The following SHANK2 variants were observed in gnomAD, a reference collection of about 807,000 sequenced individuals.
SHANK2 encodes SH3 and multiple ankyrin repeat domains protein 2.
A neutral mutation model predicts 133.7 loss-of-function variants in SHANK2; 43 were observed. That is an observed-to-expected ratio of 0.32 (90% CI 0.25 to 0.41). The LOEUF is 0.41. Among genes scored for constraint, SHANK2 ranks in the 10% least tolerant of loss-of-function variants. The pLI is 1.00. For synonymous variants in SHANK2, 1,017 were observed against 952.8 expected (o/e 1.07, Z -1.24); for missense variants, 1,994 against 2,235.8 (o/e 0.89, Z 2.18).
chr11:70,558,197 C>A (rs2059858372), intron 17 of SHANK2, among the ~76,000 whole-genome samples: 2 of 152,286 alleles, frequency 1.3e-5, no homozygotes. Context: ...AGCCCCCTGG[C>A]CCCCCGACTG....
intron 14 of SHANK2, among the ~76,000 whole-genome samples, chr11:70,729,519 TTTC>T (rs1357291027): frequency 1.3e-5 from 2 of 151,440 alleles, no homozygotes; most frequent in African/African-American, 4.8e-5. Context: ...CACTGTGTAC[TTTC>T]TTCATTTTTT....
chr11:70,933,016 T>C (rs1555082774), intron 10 of SHANK2, among the ~76,000 whole-genome samples: 2 of 152,170 alleles, frequency 1.3e-5, no homozygotes. Context: ...CTTCTGGGTC[T>C]ATACCCAAAA....
At chr11:70,696,160 T>G (rs573554452) in intron 15 of SHANK2, among the ~76,000 whole-genome samples, 1 of 152,282 alleles carries the variant, frequency 6.6e-6, no homozygotes, top group East Asian at 1.9e-4. Flanking sequence ...GCTTGGCTCC[T>G]TCTAGTATGG....
At chr11:71,194,069 C>T (rs1953849200) in intron 2 of SHANK2, among the ~76,000 whole-genome samples, 1 of 152,160 alleles carries the variant, frequency 6.6e-6, no homozygotes, top group Non-Finnish European at 1.5e-5. Context: ...AGATCGTTCC[C>T]ATTTTCCATG....
chr11:70,857,892 G>A (rs1949196332), intron 11 of SHANK2, among the ~76,000 whole-genome samples: 1 of 152,186 alleles, frequency 6.6e-6, no homozygotes, highest in Non-Finnish European at 1.5e-5. Flanking sequence ...TCAAGATGCT[G>A]AGACCCAGGA....
At chr11:70,727,292 T>C (rs1473628106) in intron 14 of SHANK2, among the ~76,000 whole-genome samples, 1 of 152,236 alleles carries the variant, frequency 6.6e-6, no homozygotes, top group Non-Finnish European at 1.5e-5. Flanking sequence ...GTATTACTAT[T>C]AGAATAACCT....
chr11:70,661,354 T>TA (rs1392634668), intron 16 of SHANK2, among the ~76,000 whole-genome samples: 1 of 152,110 alleles, frequency 6.6e-6, no homozygotes, highest in African/African-American at 2.4e-5. Flanking sequence ...TACAGAAAAT[T>TA]AAAAACATTC....
In SHANK2 at chr11:70,826,385, A is replaced by C. The variant is rs12793902; in HGVS notation, c.1175-5703T>G. ...AACTGGCAATTTTAGGAGGAACTGG[A>C]GTCCTCCCTCTCCCCCACCCCGAGA... On this transcript the variant is annotated intron_variant, in intron 11 of 25. Transcript: ENST00000601538. 4 of 463,880 alleles carry C rather than the reference A, an allele frequency of 8.6e-6. No individual in the cohort carries two copies. The East Asian group carries it at 2.8e-4, about 32-fold the overall frequency. The allele number at this position is 463,880 out of a possible 1,614,324, so 28.7% of individuals were successfully genotyped here.
At chr11:71,231,738 A>C (rs1341886955) in intron 1 of SHANK2, among the ~76,000 whole-genome samples, 2 of 152,104 alleles carry the variant, frequency 1.3e-5, no homozygotes, top group Non-Finnish European at 2.9e-5. Flanking sequence ...AAAATACATA[A>C]ATTAGCTGGG....
chr11:71,155,121 G>T (rs547517537), intron 2 of SHANK2, among the ~76,000 whole-genome samples: 2 of 88,470 alleles, frequency 2.3e-5, no homozygotes, highest in Non-Finnish European at 4.6e-5. Context: ...CGGAGGAGGG[G>T]TGGACCTACC....
chr11:70,815,457 T>G (rs1948373109), intron 12 of SHANK2, among the ~76,000 whole-genome samples: 1 of 152,128 alleles, frequency 6.6e-6, no homozygotes, highest in East Asian at 1.9e-4. Flanking sequence ...GTGTCTCCAC[T>G]AACAGCCCTC....
chr11:70,907,786 A>G, intron 10 of SHANK2: 1 of 393,356 alleles, frequency 2.5e-6, no homozygotes, highest in Non-Finnish European at 5.2e-6. Flanking sequence ...ATCGGATATG[A>G]CAACATAGAT....
chr11:70,626,955 C>G (rs1379633423), intron 17 of SHANK2, among the ~76,000 whole-genome samples: 2 of 152,210 alleles, frequency 1.3e-5, no homozygotes, highest in African/African-American at 4.8e-5. Flanking sequence ...CAGCACGTAT[C>G]TCATTTCCTG....
intron 14 of SHANK2, among the ~76,000 whole-genome samples, chr11:70,762,024 G>A (rs1210554252): frequency 3.3e-5 from 5 of 152,262 alleles, no homozygotes; most frequent in African/African-American, 4.8e-5. Context: ...CCCTGGCCCC[G>A]CCCACTCCAT....
In SHANK2 at chr11:70,485,398, T is replaced by C; in HGVS notation, c.4895A>G (p.Gln1632Arg). The C allele has an allele frequency of 1.2e-6, 2 of 1,614,108 alleles. No homozygotes were observed. The highest frequency in any genetic ancestry group is 8.5e-7 in the Non-Finnish European group (1 of 1,180,044). The change falls in exon 25 of 26, where the codon CAG (glutamine) becomes CGG (arginine). Residue 1632 changes from glutamine to arginine, a missense_variant. Gln to Arg is a conservative substitution (Grantham distance 43). Coordinates refer to ENST00000601538, the MANE Select transcript of SHANK2 (RefSeq NM_012309.5). This position sits in a 1 kb window ranked among gnomAD's most constrained non-coding sequence, Gnocchi z 5.8. ...NVISELNSIL[Q>R]QMNREKLAKP... ...TGCCAATTTCTCTCGGTTCATTTGC[T>C]GTAGGATAGAGTTCAATTCACTAAT...
chr11:70,524,293 T>C (rs558982014), intron 17 of SHANK2, among the ~76,000 whole-genome samples: 97 of 152,318 alleles, frequency 6.4e-4, no homozygotes, highest in African/African-American at 2.3e-3. Flanking sequence ...GGCAGCTGTG[T>C]CGCTCACATC....
At chr11:70,614,578 G>A (rs1469160232) in intron 17 of SHANK2, among the ~76,000 whole-genome samples, 2 of 152,200 alleles carry the variant, frequency 1.3e-5, no homozygotes, top group African/African-American at 4.8e-5. Flanking sequence ...CTCCCAAAAT[G>A]CTGGGACTGC....
chr11:70,845,785 C>T (rs564587159), intron 11 of SHANK2, among the ~76,000 whole-genome samples: 174 of 152,212 alleles, frequency 1.1e-3, no homozygotes, highest in South Asian at 2.1e-4. Context: ...CAGAACAAAG[C>T]GAGAAGGAGA....
At chr11:71,240,378 C>T (rs1555124238) in intron 1 of SHANK2, among the ~76,000 whole-genome samples, 1 of 152,208 alleles carries the variant, frequency 6.6e-6, no homozygotes, top group African/African-American at 2.4e-5. Flanking sequence ...CCTAGTCCAT[C>T]TTCTCTCCCT....
Sources: gnomAD v4.1 joint callset for allele counts (sites outside exome capture counted in the v4.1 genomes callset) on GRCh38, gnomAD v4.1.1 for gene constraint, Gnocchi (gnomAD v3.1) non-coding constraint, MANE v1.5 for transcripts, NCBI Gene and HGNC (gene_info 2026-07-23, HGNC 2026-07-21) for gene names.